The following COG4 variants were observed in gnomAD, a reference collection of about 807,000 sequenced individuals.
The protein encoded by COG4 is component of oligomeric golgi complex 4, also known as conserved oligomeric Golgi complex subunit 4.
Under a neutral mutation model 95.1 loss-of-function variants are expected in COG4, and 65 were observed. The observed-to-expected ratio is 0.68, with a 90% CI of 0.56 to 0.84. The LOEUF (loss-of-function observed/expected upper bound fraction) is 0.84, where lower values mean the gene tolerates loss of function less well. COG4 is among the 40% of genes least tolerant of loss of function. COG4 has a pLI of 0.00. For missense variants in COG4, 1,045 were observed against 989.1 expected (o/e 1.06, Z -0.76); for synonymous variants, 421 against 374.8 (o/e 1.12, Z -1.42).
rs2049436870 is a variant in COG4 at position 70,500,978 on chromosome 16, G to A, written c.1175C>T (p.Ala392Val). ...TTTACCTTGCTTTACTTCCTCTGAG[G>A]CCATGGAGTCTCCCACCTCAAAATC... is the stretch of plus-strand genomic sequence containing the variant. ...SSDFEVGDSM[A>V]SEEVKQEHQK... is the part of the protein sequence containing the mutation. Residue 392 changes from alanine (A) to valine (V), a missense_variant, in exon 9 of 19, where the codon GCC becomes GTC. Ala to Val is a moderately conservative substitution (Grantham distance 64). Coordinates refer to ENST00000323786, the MANE Select transcript of COG4 (RefSeq NM_015386.3). 6.2e-7 allele frequency: 1 copy of A among 1,613,956 alleles called. No homozygotes were observed. Among genetic ancestry groups the A allele is most frequent in the Admixed American group, 1.7e-5 (1 of 59,986 alleles).
In COG4 at chr16:70,481,015, G is replaced by A. The variant is rs1331757744; in HGVS notation, c.2365C>T (p.Leu789=). 2.5e-6 allele frequency: 4 copies of A among 1,612,422 alleles called. No individual in the cohort carries two copies. Among genetic ancestry groups the A allele is most frequent in the South Asian group, 1.1e-5 (1 of 91,058 alleles). Residue 789 remains leucine, a synonymous_variant, in exon 19 of 19, where the codon CTG becomes TTG. Transcript: ENST00000323786. ...FRSEDIKRLR[L] is the part of the protein sequence containing the mutation. ...AGGTGTGCTCATCCAGGCAGCTACA[G>A]GCGCAGCCTCTTGATATCTTCACTG... is the stretch of plus-strand genomic sequence containing the variant.
At chr16:70,483,713 C>A in intron 14 of COG4, 140 bp downstream of exon 14, 1 of 776,276 alleles carries the variant, frequency 1.3e-6, no homozygotes, top group Non-Finnish European at 2.4e-6. Context: ...AAGGGACCTG[C>A]ACAACTCCAG....
chr16:70,494,962 A>C (rs1269003715), intron 12 of COG4, among the ~76,000 whole-genome samples: 1 of 152,190 alleles, frequency 6.6e-6, no homozygotes, highest in Non-Finnish European at 1.5e-5. Flanking sequence ...CTGCCTAAAC[A>C]GCTTTCACAT....
chr16:70,506,357 C>T (rs146106211), intron 8 of COG4, among the ~76,000 whole-genome samples: 1 of 150,898 alleles, frequency 6.6e-6, no homozygotes, highest in Non-Finnish European at 1.5e-5. Context: ...GAGCCGAGAT[C>T]GTGCCACTGC....
chr16:70,519,574 G>A, intron 2 of COG4, 75 bp downstream of exon 2: 1 of 1,086,986 alleles, frequency 9.2e-7, no homozygotes. Flanking sequence ...ATAACAGAAA[G>A]TTTAAAAAAT....
At chr16:70,490,702 G>C (rs1203300301) in intron 12 of COG4, among the ~76,000 whole-genome samples, 1 of 151,642 alleles carries the variant, frequency 6.6e-6, no homozygotes, top group African/African-American at 2.4e-5. Context: ...TTGTTTTTTT[G>C]AGATGGAGTC....
intron 3 of COG4, among the ~76,000 whole-genome samples, chr16:70,515,594 G>A (rs2049804780): frequency 6.6e-6 from 1 of 152,150 alleles, no homozygotes; most frequent in Non-Finnish European, 1.5e-5. Flanking sequence ...TGAGACAGGA[G>A]AATTGCTTGA....
chr16:70,515,877 A>G (rs962163905), intron 3 of COG4: 16 of 394,430 alleles, frequency 4.1e-5, no homozygotes, highest in South Asian at 3.0e-4. Flanking sequence ...CTGTGTTCCA[A>G]GGTTTGGTCT....
intron 12 of COG4, 97 bp from the exon 13 acceptor site, chr16:70,490,489 A>G (rs1312734954): frequency 2.0e-6 from 2 of 983,198 alleles, no homozygotes; most frequent in Non-Finnish European, 3.3e-6. Flanking sequence ...CATGAAGCTC[A>G]GAGAAGGGCT....
chr16:70,491,505 A>C (rs1314257430), intron 12 of COG4, among the ~76,000 whole-genome samples: 1 of 116,718 alleles, frequency 8.6e-6, no homozygotes, highest in Non-Finnish European at 1.7e-5. Flanking sequence ...TGTATGACAG[A>C]GCAAGACTCT....
At chr16:70,521,913 G>C (rs1385430111) in intron 1 of COG4, among the ~76,000 whole-genome samples, 1 of 150,442 alleles carries the variant, frequency 6.6e-6, no homozygotes, top group African/African-American at 2.5e-5. Context: ...GTGTTAGCCA[G>C]GATGGTCTCG....
intron 10 of COG4, 72 bp from the exon 11 acceptor site, chr16:70,497,459 C>A: frequency 7.0e-7 from 1 of 1,437,544 alleles, no homozygotes; most frequent in Non-Finnish European, 9.7e-7. Flanking sequence ...TCTGGGTACA[C>A]TGGCCCTAGC....
intron 13 of COG4, among the ~76,000 whole-genome samples, chr16:70,484,913 C>A (rs1025313658): frequency 5.9e-5 from 9 of 151,974 alleles, no homozygotes; most frequent in Admixed American, 4.6e-4. Flanking sequence ...TACTTAAAAA[C>A]AAAACAAAAT....
intron 12 of COG4, 50 bp downstream of exon 12, chr16:70,496,216 G>T (rs187838403): frequency 6.2e-7 from 1 of 1,601,948 alleles, no homozygotes; most frequent in South Asian, 1.1e-5. Context: ...CAGTGATAGC[G>T]TAACCTCTCG....
intron 2 of COG4, 21 bp from the exon 3 acceptor site, chr16:70,517,761 C>A (rs1436646918): frequency 6.6e-7 from 1 of 1,517,038 alleles, no homozygotes; most frequent in Non-Finnish European, 9.2e-7. Flanking sequence ...ACATTGTTAG[C>A]ATACACATAA....
intron 5 of COG4, among the ~76,000 whole-genome samples, chr16:70,510,767 CT>C (rs766994398): frequency 3.7e-3 from 518 of 140,736 alleles, no homozygotes; most frequent in Non-Finnish European, 4.5e-3. Context: ...AGCAGGTTTC[CT>C]TTTTTTTTTT....
chr16:70,515,012 C>CTTTT (rs545289187), intron 3 of COG4, among the ~76,000 whole-genome samples: 33 of 140,552 alleles, frequency 2.3e-4, no homozygotes, highest in South Asian at 9.0e-4. Flanking sequence ...CAGAGCCCAA[C>CTTTT]TTTTTTTTTT....
chr16:70,490,414 A>C (rs781005342), intron 12 of COG4, 22 bp from the exon 13 acceptor site: 1 of 1,605,080 alleles, frequency 6.2e-7, no homozygotes, highest in Non-Finnish European at 8.5e-7. Flanking sequence ...GGAAGGAAGA[A>C]CGTGACTTCC....
chr16:70,482,956 C>T, intron 14 of COG4, 135 bp from the exon 15 acceptor site: 1 of 693,666 alleles, frequency 1.4e-6, no homozygotes, highest in East Asian at 2.8e-5. Flanking sequence ...CTTCTCTCCT[C>T]TCCCCATTTC....
Sources: gnomAD v4.1 joint callset for allele counts (sites outside exome capture counted in the v4.1 genomes callset) on GRCh38, gnomAD v4.1.1 for gene constraint, MANE v1.5 for transcripts, NCBI Gene and HGNC (gene_info 2026-07-23, HGNC 2026-07-21) for gene names.